Variants in RCHY1 observed in about 807,000 individuals in gnomAD.
RCHY1 encodes the protein ring finger and CHY zinc finger domain containing 1.
In RCHY1, 21 loss-of-function variants were observed where a neutral mutation model predicts 41.6. The ratio of observed to expected loss-of-function variants is 0.51; its 90% CI spans 0.36 to 0.73. RCHY1 has a LOEUF of 0.73. Among genes scored for constraint, RCHY1 ranks in the 30% least tolerant of loss-of-function variants. The pLI, the probability that RCHY1 is intolerant of heterozygous loss-of-function variation, is 0.00. For synonymous variants in RCHY1, 79 were observed against 102.9 expected, an observed-to-expected ratio of 0.77 and a Z score of 1.41; for missense variants, 265 against 325.3, an observed-to-expected ratio of 0.81 and a Z score of 1.43.
upstream of RCHY1, chr4:75,514,593 G>C: frequency 3.5e-6 from 1 of 281,874 alleles, no homozygotes. Context: ...TTCGGCGCGA[G>C]GTTGGCGGCA....
intron 8 of RCHY1, among the ~76,000 whole-genome samples, chr4:75,490,092 C>T (rs1235443370): frequency 6.6e-6 from 1 of 151,890 alleles, no homozygotes; most frequent in Non-Finnish European, 1.5e-5. Context: ...ATTCTGTGAA[C>T]AACAGAAGTG....
At chr4:75,507,971 G>T (rs190899064) in intron 3 of RCHY1, among the ~76,000 whole-genome samples, 2 of 152,024 alleles carry the variant, frequency 1.3e-5, no homozygotes, top group East Asian at 3.8e-4. Context: ...TGTGTTTCTT[G>T]ATCTGGGTAG....
rs1400253509 is a variant in RCHY1, at chr4:75,479,539, C to T, written c.*2999G>A. On this transcript the variant is annotated 3_prime_UTR_variant, in exon 9 of 9. Transcript: ENST00000324439. ...TAAAATCCATGACACTATAAACAAA[C>T]TACTACTTCCAACATAAGCTAAAGT... 6.6e-6 allele frequency: 1 copy of T among 151,936 alleles called. No homozygotes were observed. Among genetic ancestry groups the T allele is most frequent in the Non-Finnish European group, 1.5e-5 (1 of 67,958 alleles). 9.4% of individuals were successfully genotyped at this position (151,936 alleles called of 1,614,324 possible). A position where few individuals can be genotyped will look rare whatever the true frequency, so the allele number is the denominator to read the frequency against.
chr4:75,511,404 A>T (rs1163214339), intron 1 of RCHY1, among the ~76,000 whole-genome samples: 2 of 152,202 alleles, frequency 1.3e-5, no homozygotes, highest in Non-Finnish European at 2.9e-5. Context: ...ATTTGTAGTG[A>T]GTCTCACTTT....
chr4:75,503,597 A>G (rs1560526552), intron 3 of RCHY1, among the ~76,000 whole-genome samples: 1 of 152,106 alleles, frequency 6.6e-6, no homozygotes, highest in East Asian at 1.9e-4. Flanking sequence ...AGGGAGGCTG[A>G]GGCAGAATTG....
chr4:75,505,280 G>A (rs1191854769), intron 3 of RCHY1, among the ~76,000 whole-genome samples: 1 of 152,160 alleles, frequency 6.6e-6, no homozygotes, highest in African/African-American at 2.4e-5. Context: ...TGCACTGGGC[G>A]CAGCTCAGTT....
At chr4:75,492,432 A>G (rs1722833016) in intron 4 of RCHY1, among the ~76,000 whole-genome samples, 1 of 151,972 alleles carries the variant, frequency 6.6e-6, no homozygotes, top group South Asian at 2.1e-4. Context: ...TTGTTATACC[A>G]TTTTACAGTT....
chr4:75,496,724 T>A (rs1341545431), intron 3 of RCHY1, among the ~76,000 whole-genome samples: 1 of 152,084 alleles, frequency 6.6e-6, no homozygotes, highest in Non-Finnish European at 1.5e-5. Context: ...TCTAAACTGT[T>A]TCCAAGTAAC....
chr4:75,501,699 T>C (rs1273780371), intron 3 of RCHY1, among the ~76,000 whole-genome samples: 1 of 152,234 alleles, frequency 6.6e-6, no homozygotes. Flanking sequence ...TATGTTCCAC[T>C]GAACATGAAA....
upstream of RCHY1, chr4:75,514,550 C>T: frequency 2.7e-6 from 1 of 370,220 alleles, no homozygotes; most frequent in Non-Finnish European, 4.9e-6. Context: ...CTGTTTTCCC[C>T]CAATCGCTAC....
intron 8 of RCHY1, among the ~76,000 whole-genome samples, chr4:75,487,796 C>CATAATATATATTCATA (rs775887886): frequency 6.0e-5 from 3 of 49,764 alleles, no homozygotes; most frequent in African/African-American, 3.1e-4. Context: ...TATATATATT[C>CATAATATATATTCATA]ATATATATAT....
intron 3 of RCHY1, among the ~76,000 whole-genome samples, chr4:75,503,630 T>G (rs1451644428): frequency 1.3e-5 from 2 of 151,828 alleles, no homozygotes; most frequent in Non-Finnish European, 2.9e-5. Context: ...AGGCAGAGGT[T>G]GCAGTGAGCC....
At position 75,479,923 on chromosome 4, in the gene RCHY1, G is replaced by T. The variant is rs2148698399; in HGVS notation, c.*2615C>A. On this transcript the variant is annotated 3_prime_UTR_variant, in exon 9 of 9. Transcript: ENST00000324439. ...AACAGTAGTTCTCTCTGAAAGAAGG[G>T]ATTGTTGAGAGTTTTTTACCTTCTT... is the stretch of plus-strand genomic sequence containing the variant. The T allele has an allele frequency of 6.6e-6, 1 of 152,234 alleles. No homozygotes were observed. The highest frequency in any genetic ancestry group is 2.4e-5 in the African/African-American group (1 of 41,548). The allele number at this position is 152,234 out of a possible 1,614,324, so 9.4% of individuals were successfully genotyped here. A position where few individuals can be genotyped will look rare whatever the true frequency, so the allele number is the denominator to read the frequency against.
chr4:75,498,712 G>C (rs1015595520), intron 3 of RCHY1, among the ~76,000 whole-genome samples: 6 of 152,030 alleles, frequency 3.9e-5, no homozygotes, highest in Admixed American at 1.3e-4. Flanking sequence ...TCAATAAATG[G>C]TGCAGAAAAA....
At chr4:75,493,879 A>G (rs1722955733) in intron 4 of RCHY1, among the ~76,000 whole-genome samples, 1 of 151,866 alleles carries the variant, frequency 6.6e-6, no homozygotes, top group Non-Finnish European at 1.5e-5. Context: ...CTAGTAAGTG[A>G]TATAAGCATT....
intron 2 of RCHY1, 40 bp from the exon 3 acceptor site, chr4:75,508,975 C>T (rs1578240260): frequency 7.1e-7 from 1 of 1,400,224 alleles, no homozygotes; most frequent in Non-Finnish European, 9.9e-7. Flanking sequence ...ATAAACTAAA[C>T]ATTTTGAGTT....
intron 8 of RCHY1, among the ~76,000 whole-genome samples, chr4:75,489,462 A>T (rs1258907405): frequency 3.9e-5 from 6 of 152,220 alleles, no homozygotes; most frequent in Admixed American, 1.3e-4. Flanking sequence ...ATTTCACTGG[A>T]TAAGTTGTAA....
intron 8 of RCHY1, among the ~76,000 whole-genome samples, chr4:75,488,442 A>G (rs1722449654): frequency 6.6e-6 from 1 of 152,160 alleles, no homozygotes; most frequent in South Asian, 2.1e-4. Flanking sequence ...TAGACTTCTG[A>G]CAACTTTAGG....
At chr4:75,511,441 A>G (rs576657214) in intron 1 of RCHY1, among the ~76,000 whole-genome samples, 1 of 152,312 alleles carries the variant, frequency 6.6e-6, no homozygotes, top group East Asian at 1.9e-4. Context: ...ATGTCTGCCA[A>G]CTACCCAAAT....
Sources: gnomAD v4.1 joint callset for allele counts (sites outside exome capture counted in the v4.1 genomes callset) on GRCh38, gnomAD v4.1.1 for gene constraint, MANE v1.5 for transcripts, NCBI Gene and HGNC (gene_info 2026-07-23, HGNC 2026-07-21) for gene names.